Variants in GFRAL observed in about 807,000 individuals in gnomAD.
The protein encoded by GFRAL is GDNF family receptor alpha-like.
Under a neutral mutation model 45.4 loss-of-function variants are expected in GFRAL, and 36 were observed. The observed-to-expected ratio is 0.79, with a 90% CI of 0.61 to 1.05. The LOEUF (loss-of-function observed/expected upper bound fraction) is 1.05, where lower values mean the gene tolerates loss of function less well. GFRAL is among the 50% of genes least tolerant of loss of function. GFRAL has a pLI of 0.00. For synonymous variants in GFRAL, 166 were observed against 154.1 expected, an observed-to-expected ratio of 1.08 and a Z score of -0.57; for missense variants, 507 against 467.5, an observed-to-expected ratio of 1.08 and a Z score of -0.78.
chr6:55,350,649 T>A (rs946758396), intron 4 of GFRAL, among the ~76,000 whole-genome samples: 2 of 152,056 alleles, frequency 1.3e-5, no homozygotes, highest in Non-Finnish European at 2.9e-5. Flanking sequence ...TGCAGTGAGC[T>A]GGGATCATGC....
chr6:55,332,723 A>G (rs1460757834), intron 2 of GFRAL, among the ~76,000 whole-genome samples: 1 of 152,110 alleles, frequency 6.6e-6, no homozygotes, highest in Non-Finnish European at 1.5e-5. Flanking sequence ...TGCCTGGCCT[A>G]TATTTCCTTA....
Position 55,399,294 on chromosome 6 carries a change from C to A in GFRAL, c.1048+19C>A. The stretch of plus-strand genomic sequence containing the variant: ...TTCAATGGTCAGTTAAAAATCAATC[C>A]TCTATAATATTTATATTATTTATTT... On this transcript the variant is annotated intron_variant, in intron 7 of 8. Transcript: ENST00000340465. 6.6e-7 allele frequency: 1 copy of A among 1,521,180 alleles called. No homozygotes were observed. Among genetic ancestry groups the A allele is most frequent in the Non-Finnish European group, 9.0e-7 (1 of 1,105,434 alleles). The allele number at this position is 1,521,180 out of a possible 1,614,324, so 94.2% of individuals were successfully genotyped here.
intron 3 of GFRAL, among the ~76,000 whole-genome samples, chr6:55,337,130 T>C (rs116231543): frequency 0.013 from 1,986 of 152,232 alleles, 23 homozygotes; most frequent in Non-Finnish European, 0.022. Context: ...TATATTTGTA[T>C]CCGTTAACCA....
chr6:55,334,071 A>AT (rs1198757315), intron 3 of GFRAL, 127 bp downstream of exon 3: 1 of 653,508 alleles, frequency 1.5e-6, no homozygotes, highest in Non-Finnish European at 2.4e-6. Flanking sequence ...AAGCTTTATT[A>AT]TTTTAAAAAT....
chr6:55,368,809 G>T (rs1200382218), intron 6 of GFRAL, among the ~76,000 whole-genome samples: 1 of 152,200 alleles, frequency 6.6e-6, no homozygotes. Flanking sequence ...TCTCAGATCT[G>T]CAGCTGCGTG....
chr6:55,349,062 G>A (rs1768082140), intron 3 of GFRAL, among the ~76,000 whole-genome samples: 1 of 152,032 alleles, frequency 6.6e-6, no homozygotes, highest in Admixed American at 6.6e-5. Flanking sequence ...AGAGAGGCGG[G>A]ATGATGGGTG....
chr6:55,333,683 A>C, intron 2 of GFRAL, 103 bp from the exon 3 acceptor site: 6,606 of 424,212 alleles, frequency 0.016, no homozygotes, highest in Non-Finnish European at 0.022. Context: ...ATCTTACCAT[A>C]TTAATTAATT....
chr6:55,331,379 TAA>T, intron 1 of GFRAL, among the ~76,000 whole-genome samples: 1 of 152,144 alleles, frequency 6.6e-6, no homozygotes, highest in East Asian at 1.9e-4. Context: ...AATGGTGAGA[TAA>T]AGTTTAAAAC....
chr6:55,388,785 T>C (rs1768711560), intron 6 of GFRAL, among the ~76,000 whole-genome samples: 1 of 152,200 alleles, frequency 6.6e-6, no homozygotes. Flanking sequence ...CTGATCCAAA[T>C]ATGTTTTTCT....
At position 55,398,382 on chromosome 6, in the gene GFRAL, A is replaced by G. The variant is rs576481241; in HGVS notation, c.953-798A>G. ...CTCAAAACCAGCTTTCATTACATAA[A>G]TTGGTTACTAAACTATTGGTATGTT... On this transcript the variant is annotated intron_variant, in intron 6 of 8. Coordinates refer to ENST00000340465, the MANE Select transcript of GFRAL (RefSeq NM_207410.2). Among the ~76,000 whole-genome samples, 25 of 152,316 alleles carry G rather than the reference A, an allele frequency of 1.6e-4. No individual in the cohort carries two copies. In the South Asian group the frequency reaches 5.0e-3, roughly 30 times the overall value.
chr6:55,385,469 T>G (rs1768667365), intron 6 of GFRAL, among the ~76,000 whole-genome samples: 1 of 152,086 alleles, frequency 6.6e-6, no homozygotes, highest in Admixed American at 6.6e-5. Context: ...CTTAACTAAT[T>G]TAATTTTTAC....
intron 6 of GFRAL, among the ~76,000 whole-genome samples, chr6:55,389,082 T>C (rs1055068039): frequency 6.6e-6 from 1 of 152,220 alleles, no homozygotes; most frequent in Admixed American, 6.5e-5. Context: ...TACATGTTTT[T>C]GTTTTATTAT....
intron 6 of GFRAL, among the ~76,000 whole-genome samples, chr6:55,361,764 C>A (rs1457884838): frequency 2.6e-5 from 4 of 152,034 alleles, no homozygotes; most frequent in Non-Finnish European, 2.9e-5. Context: ...CCCGACTTCT[C>A]ACATCAGCCT....
At chr6:55,363,363 G>GCTTAA (rs1768303739) in intron 6 of GFRAL, among the ~76,000 whole-genome samples, 1 of 151,056 alleles carries the variant, frequency 6.6e-6, no homozygotes, top group Admixed American at 6.6e-5. Flanking sequence ...TTGCTTTACA[G>GCTTAA]GTTCCTTTTT....
At chr6:55,387,540 C>A (rs568555559) in intron 6 of GFRAL, among the ~76,000 whole-genome samples, 50 of 152,258 alleles carry the variant, frequency 3.3e-4, no homozygotes, top group African/African-American at 1.2e-3. Context: ...TTAATAGTTA[C>A]TGCCCTGGCA....
intron 6 of GFRAL, among the ~76,000 whole-genome samples, chr6:55,372,778 G>T (rs1449091247): frequency 6.6e-6 from 1 of 152,132 alleles, no homozygotes; most frequent in Non-Finnish European, 1.5e-5. Flanking sequence ...AATTGTAATT[G>T]TTAATCAACA....
chr6:55,334,063 G>A (rs112218920), intron 3 of GFRAL, 119 bp downstream of exon 3: 20 of 695,852 alleles, frequency 2.9e-5, no homozygotes, highest in African/African-American at 2.4e-4. Context: ...TCTTTTCAAA[G>A]CTTTATTATT....
At chr6:55,347,763 T>C (rs1040878676) in intron 3 of GFRAL, among the ~76,000 whole-genome samples, 3 of 152,204 alleles carry the variant, frequency 2.0e-5, no homozygotes, top group Non-Finnish European at 4.4e-5. Flanking sequence ...TTCCCAGATA[T>C]TACACTTTTC....
intron 6 of GFRAL, among the ~76,000 whole-genome samples, chr6:55,373,389 A>C (rs1382134278): frequency 6.6e-6 from 1 of 152,172 alleles, no homozygotes; most frequent in African/African-American, 2.4e-5. Flanking sequence ...AAGGACTGAA[A>C]GTTGTTTTAA....
Sources: gnomAD v4.1 joint callset for allele counts (sites outside exome capture counted in the v4.1 genomes callset) on GRCh38, gnomAD v4.1.1 for gene constraint, MANE v1.5 for transcripts, NCBI Gene and HGNC (gene_info 2026-07-23, HGNC 2026-07-21) for gene names.